The following RGL1 variants were observed in gnomAD, a reference collection of about 807,000 sequenced individuals.
RGL1 encodes ral guanine nucleotide dissociation stimulator like 1, also known as ral guanine nucleotide dissociation stimulator-like 1.
RGL1 carries 24 observed loss-of-function variants against 95.2 expected under a neutral mutation model. The ratio of observed to expected loss-of-function variants is 0.25; its 90% CI spans 0.18 to 0.35. The LOEUF (loss-of-function observed/expected upper bound fraction) is 0.35. RGL1 is among the 10% of genes least tolerant of loss of function. The pLI is 1.00. For missense variants in RGL1, 715 were observed against 936.3 expected, an observed-to-expected ratio of 0.76 and a Z score of 3.08; for synonymous variants, 329 against 344.9, an observed-to-expected ratio of 0.95 and a Z score of 0.51.
At chr1:183,786,624 T>C (rs1215254646) in intron 2 of RGL1, among the ~76,000 whole-genome samples, 1 of 152,214 alleles carries the variant, frequency 6.6e-6, no homozygotes, top group African/African-American at 2.4e-5. Flanking sequence ...ATGCTCAATC[T>C]CTACTAATGA....
chr1:183,905,416 TATG>T (rs10548744), intron 13 of RGL1, among the ~76,000 whole-genome samples: 36,431 of 151,976 alleles, frequency 0.24, 5,041 homozygotes, highest in East Asian at 0.49. Context: ...AACTTTGAAA[TATG>T]ATGGGTAACT....
chr1:183,865,870 C>T (rs892531247), intron 3 of RGL1, 126 bp from the exon 4 acceptor site: 10 of 665,024 alleles, frequency 1.5e-5, no homozygotes, highest in East Asian at 2.7e-5. Context: ...AATGCTATTT[C>T]ATAGATATAT....
chr1:183,859,263 C>T (rs1157242156), intron 3 of RGL1, among the ~76,000 whole-genome samples: 1 of 152,192 alleles, frequency 6.6e-6, no homozygotes, highest in African/African-American at 2.4e-5. Context: ...AAACGGATGA[C>T]AGAGGCTTGG....
At chr1:183,771,806 G>GC (rs1016749209) in intron 2 of RGL1, among the ~76,000 whole-genome samples, 4 of 152,184 alleles carry the variant, frequency 2.6e-5, no homozygotes, top group Admixed American at 2.0e-4. Context: ...ACCCTGGCCT[G>GC]CCATGCCCCC....
Position 183,927,665 on chromosome 1 carries a change from A to G in RGL1, c.*1373A>G, listed in dbSNP as rs1311232981. The G allele has an allele frequency of 6.6e-6, 1 of 152,618 alleles. No homozygotes were observed. The highest frequency in any genetic ancestry group is 6.5e-5 in the Admixed American group (1 of 15,286). 9.5% of individuals were successfully genotyped at this position (152,618 alleles called of 1,614,324 possible). A position where few individuals can be genotyped will look rare whatever the true frequency, so the allele number is the denominator to read the frequency against. On this transcript the variant is annotated 3_prime_UTR_variant, in exon 18 of 18. Coordinates refer to ENST00000360851, the MANE Select transcript of RGL1 (RefSeq NM_001297671.3). ...CAAGTCTGAGCTGTGCTGGGGTTTG[A>G]ACTAAAAGCCATATGTGGAATATTG...
intron 16 of RGL1, among the ~76,000 whole-genome samples, chr1:183,917,763 C>T (rs946092629): frequency 6.6e-6 from 1 of 152,194 alleles, no homozygotes; most frequent in African/African-American, 2.4e-5. Context: ...GAGCCAAGAT[C>T]AGGTGGTAAA....
intron 1 of RGL1, among the ~76,000 whole-genome samples, chr1:183,805,997 T>TTTTTTTTTTTTTTTTTC (rs1661303439): frequency 1.2e-5 from 1 of 80,560 alleles, no homozygotes; most frequent in Non-Finnish European, 2.4e-5. Flanking sequence ...TTTTTTTTTT[T>TTTTTTTTTTTTTTTTTC]TTTTTTTTTT....
At chr1:183,728,239 A>G (rs1656422612) in intron 1 of RGL1, among the ~76,000 whole-genome samples, 1 of 152,150 alleles carries the variant, frequency 6.6e-6, no homozygotes, top group African/African-American at 2.4e-5. Context: ...TAGAATTTAC[A>G]TTGTTGGTTC....
intron 11 of RGL1, among the ~76,000 whole-genome samples, chr1:183,901,265 C>A (rs774480957): frequency 6.6e-6 from 1 of 152,000 alleles, no homozygotes; most frequent in Non-Finnish European, 1.5e-5. Flanking sequence ...CGCCACTGCA[C>A]TTCAGCCTGG....
intron 10 of RGL1, among the ~76,000 whole-genome samples, chr1:183,898,740 T>C (rs1181044469): frequency 2.6e-5 from 4 of 152,222 alleles, no homozygotes; most frequent in Non-Finnish European, 4.4e-5. Context: ...ATTATTTTAG[T>C]ACAGGATGAG....
chr1:183,924,416 T>C (rs1174149673), intron 17 of RGL1, among the ~76,000 whole-genome samples: 2 of 151,746 alleles, frequency 1.3e-5, no homozygotes, highest in African/African-American at 4.8e-5. Flanking sequence ...AGTTGAACAA[T>C]GAGAACATGA....
At chr1:183,827,076 C>T (rs1357600023) in intron 2 of RGL1, among the ~76,000 whole-genome samples, 1 of 152,152 alleles carries the variant, frequency 6.6e-6, no homozygotes, top group Admixed American at 6.5e-5. Context: ...GCATACGCCA[C>T]CATGCCCAGC....
intron 1 of RGL1, among the ~76,000 whole-genome samples, chr1:183,641,646 A>G (rs1450341469): frequency 6.6e-6 from 1 of 152,192 alleles, no homozygotes; most frequent in Non-Finnish European, 1.5e-5. Flanking sequence ...CAGTTTTGAT[A>G]TTAGTGTTAG....
chr1:183,856,431 A>G (rs1450069374), intron 3 of RGL1, among the ~76,000 whole-genome samples: 2 of 151,864 alleles, frequency 1.3e-5, no homozygotes, highest in African/African-American at 4.8e-5. Context: ...AAAATTTCCT[A>G]TATAAGTGAT....
chr1:183,901,903 T>C (rs1328761750), intron 11 of RGL1, among the ~76,000 whole-genome samples: 1 of 152,248 alleles, frequency 6.6e-6, no homozygotes, highest in African/African-American at 2.4e-5. Context: ...CCTGCTTTTA[T>C]TGTATCTTAA....
chr1:183,847,912 G>A (rs1664553112), intron 3 of RGL1, 138 bp downstream of exon 3: 2 of 652,100 alleles, frequency 3.1e-6, no homozygotes, highest in Non-Finnish European at 5.2e-6. Flanking sequence ...ATGACCTTTG[G>A]CACAAATGAA....
intron 1 of RGL1, among the ~76,000 whole-genome samples, chr1:183,730,461 G>A (rs1656567113): frequency 6.6e-6 from 1 of 152,074 alleles, no homozygotes; most frequent in African/African-American, 2.4e-5. Context: ...TGTTAGGTTG[G>A]CTCAGTGGCT....
chr1:183,896,346 C>T (rs968820257), intron 9 of RGL1, among the ~76,000 whole-genome samples: 2 of 152,216 alleles, frequency 1.3e-5, no homozygotes, highest in South Asian at 4.1e-4. Context: ...CCGCCATGTC[C>T]AGTATAGGCT....
intron 1 of RGL1, chr1:183,646,446 A>G (rs1374374117): frequency 6.6e-6 from 1 of 152,024 alleles, no homozygotes; most frequent in East Asian, 1.9e-4. Flanking sequence ...GAAAAAAATT[A>G]ATAGCAAGTT....
Sources: allele counts gnomAD v4.1 joint callset (sites outside exome capture counted in the v4.1 genomes callset), GRCh38; gene constraint gnomAD v4.1.1; transcripts MANE v1.5; gene names NCBI Gene and HGNC (gene_info 2026-07-23, HGNC 2026-07-21).